The following MAGI2 variants were observed in gnomAD, a reference collection of about 807,000 sequenced individuals.
MAGI2 encodes the protein membrane-associated guanylate kinase, WW and PDZ domain-containing protein 2.
In MAGI2, 35 loss-of-function variants were observed where a neutral mutation model predicts 133.3. That is an observed-to-expected ratio of 0.26 (90% confidence interval 0.20 to 0.35). The LOEUF is 0.35. Among genes scored for constraint, MAGI2 ranks in the 10% least tolerant of loss-of-function variants. MAGI2 has a pLI of 1.00. For missense variants in MAGI2, 1,636 were observed against 1,863.4 expected, an observed-to-expected ratio of 0.88 and a Z score of 2.25; for synonymous variants, 729 against 710.6, an observed-to-expected ratio of 1.03 and a Z score of -0.41.
chr7:78,019,732 C>T lies in MAGI2; in HGVS notation c.3951G>A (p.Ser1317=), dbSNP rs375686934. The change falls in exon 22 of 22, where the codon TCG becomes TCA. Residue 1317 remains serine, a synonymous_variant. Coordinates refer to ENST00000354212, the MANE Select transcript of MAGI2 (RefSeq NM_012301.4). The part of the protein sequence containing the change: ...KQRLGEQRER[S]ASPQRAARPR... ...GCCGCGCGGCCCTCTGCGGACTCGC[C>T]GAGCGCTCCCTCTGCTCCCCGAGGC... The T allele has an allele frequency of 2.9e-5, 47 of 1,608,440 alleles. No individual in the cohort carries two copies. The African/African-American group carries it at 5.8e-4, about 20-fold the overall frequency.
chr7:79,109,008 G>A (rs1818683886), intron 1 of MAGI2, among the ~76,000 whole-genome samples: 1 of 152,180 alleles, frequency 6.6e-6, no homozygotes, highest in African/African-American at 2.4e-5. Context: ...GCAGATGCTA[G>A]TACCATGCTT....
chr7:79,086,936 T>C (rs1416284549), intron 1 of MAGI2, among the ~76,000 whole-genome samples: 1 of 151,770 alleles, frequency 6.6e-6, no homozygotes, highest in African/African-American at 2.4e-5. Flanking sequence ...TCCTCCATTA[T>C]ATAAATATTA....
At chr7:79,408,607 A>C (rs947392386) in intron 1 of MAGI2, among the ~76,000 whole-genome samples, 1 of 152,146 alleles carries the variant, frequency 6.6e-6, no homozygotes, top group African/African-American at 2.4e-5. Context: ...CAATATGTGC[A>C]TCAAAAGTAT....
chr7:78,188,162 A>G (rs1003388281), intron 12 of MAGI2, among the ~76,000 whole-genome samples: 5 of 152,210 alleles, frequency 3.3e-5, no homozygotes, highest in African/African-American at 9.6e-5. Flanking sequence ...ATACCATGGT[A>G]ATTTCCTGTT....
intron 1 of MAGI2, among the ~76,000 whole-genome samples, chr7:79,173,325 AT>A (rs201866960): frequency 0.057 from 8,381 of 147,466 alleles, 469 homozygotes; most frequent in East Asian, 0.16. Flanking sequence ...TTATAATTGC[AT>A]TTTTTTTTTT....
At chr7:78,531,664 T>A (rs1190779834) in intron 3 of MAGI2, among the ~76,000 whole-genome samples, 7 of 152,222 alleles carry the variant, frequency 4.6e-5, no homozygotes, top group Non-Finnish European at 1.0e-4. Context: ...GTCATCTTAA[T>A]TAAATTTACT....
intron 20 of MAGI2, among the ~76,000 whole-genome samples, chr7:78,082,149 G>A (rs1816043678): frequency 6.6e-6 from 1 of 152,178 alleles, no homozygotes; most frequent in Admixed American, 6.5e-5. Context: ...ATCTTGTATT[G>A]TGATAGAAAT....
At chr7:78,644,822 A>G (rs571551652) in intron 2 of MAGI2, among the ~76,000 whole-genome samples, 12 of 152,156 alleles carry the variant, frequency 7.9e-5, no homozygotes, top group Non-Finnish European at 1.8e-4. Flanking sequence ...AAAAAATAAA[A>G]TCAATAGCTG....
intron 1 of MAGI2, among the ~76,000 whole-genome samples, chr7:79,094,980 G>A (rs1197712627): frequency 1.3e-5 from 2 of 152,132 alleles, no homozygotes; most frequent in Non-Finnish European, 2.9e-5. Flanking sequence ...AGCTGCATTA[G>A]CCCCTAATAA....
intron 9 of MAGI2, among the ~76,000 whole-genome samples, chr7:78,336,603 T>C (rs578154826): frequency 2.6e-5 from 4 of 152,074 alleles, no homozygotes; most frequent in Admixed American, 6.6e-5. Context: ...TGCAAGCCTG[T>C]GGTTCTAGCT....
chr7:79,297,244 A>G (rs1173531007), intron 1 of MAGI2, among the ~76,000 whole-genome samples: 1 of 152,244 alleles, frequency 6.6e-6, no homozygotes, highest in African/African-American at 2.4e-5. Flanking sequence ...AATGTAAAAG[A>G]TGTAATTTTT....
Position 79,442,451 on chromosome 7 carries a change from A to AGTGTGTGTGTGTGT in MAGI2, c.301+10555_301+10568dup, listed in dbSNP as rs3028947. Among the ~76,000 whole-genome samples, 542 of 145,214 alleles carry AGTGTGTGTGTGTGT rather than the reference A, an allele frequency of 3.7e-3. 3 individuals carry two copies. The highest frequency in any genetic ancestry group is 5.8e-3 in the Non-Finnish European group (382 of 65,972). ...TGGCACTGAACCTTAGTGTTTGAAG[A>AGTGTGTGTGTGTGT]GTGTGTGTGTGTGTGTGTGTGTGTG... On this transcript the variant is annotated intron_variant, in intron 1 of 21. Transcript: ENST00000354212.
chr7:79,336,612 A>G (rs1423135054), intron 1 of MAGI2, among the ~76,000 whole-genome samples: 1 of 152,104 alleles, frequency 6.6e-6, no homozygotes, highest in Non-Finnish European at 1.5e-5. Flanking sequence ...TAAATGATAT[A>G]TTTGGATTTT....
intron 1 of MAGI2, among the ~76,000 whole-genome samples, chr7:79,221,943 A>C (rs1488906176): frequency 6.6e-6 from 1 of 151,992 alleles, no homozygotes; most frequent in East Asian, 1.9e-4. Context: ...ATTAAAGATA[A>C]TTTTTATGCT....
At chr7:78,945,314 G>A (rs1029147251) in intron 2 of MAGI2, among the ~76,000 whole-genome samples, 2 of 152,040 alleles carry the variant, frequency 1.3e-5, no homozygotes, top group Non-Finnish European at 2.9e-5. Context: ...TACCCACCTC[G>A]GCCTCACAAA....
At chr7:78,803,152 T>C (rs1385024484) in intron 2 of MAGI2, among the ~76,000 whole-genome samples, 1 of 152,164 alleles carries the variant, frequency 6.6e-6, no homozygotes, top group Non-Finnish European at 1.5e-5. Flanking sequence ...ATGTTCTCCT[T>C]TTGTCCTAAA....
At chr7:79,446,198 G>T (rs1487095897) in intron 1 of MAGI2, among the ~76,000 whole-genome samples, 1 of 152,138 alleles carries the variant, frequency 6.6e-6, no homozygotes, top group East Asian at 1.9e-4. Flanking sequence ...GATAGCATTA[G>T]CAGATATACC....
chr7:78,362,112 G>A (rs1438221292), intron 7 of MAGI2, among the ~76,000 whole-genome samples: 1 of 152,054 alleles, frequency 6.6e-6, no homozygotes, highest in Non-Finnish European at 1.5e-5. Context: ...GACCAGCCTG[G>A]ACAACATGGT....
chr7:78,931,317 A>G (rs1356251641), intron 2 of MAGI2, among the ~76,000 whole-genome samples: 1 of 152,054 alleles, frequency 6.6e-6, no homozygotes, highest in Non-Finnish European at 1.5e-5. Flanking sequence ...CGACATTACC[A>G]CTGTACATAA....
Sources: allele counts gnomAD v4.1 joint callset (sites outside exome capture counted in the v4.1 genomes callset), GRCh38; gene constraint gnomAD v4.1.1; transcripts MANE v1.5; gene names NCBI Gene and HGNC (gene_info 2026-07-23, HGNC 2026-07-21).